CDC42BPA: variants seen among roughly 807,000 people sequenced by gnomAD.
CDC42BPA encodes CDC42 binding protein kinase alpha.
Under a neutral mutation model 223.5 loss-of-function variants are expected in CDC42BPA, and 80 were observed. The observed-to-expected ratio is 0.36, with a 90% CI of 0.30 to 0.43. The LOEUF (loss-of-function observed/expected upper bound fraction) is 0.43. Among genes scored for constraint, CDC42BPA ranks in the 20% least tolerant of loss-of-function variants. The probability of loss-of-function intolerance (pLI) is 1.00; values close to 1 mark genes in which losing one functional copy is unlikely to be tolerated. For missense variants in CDC42BPA, 1,743 were observed against 2,099.9 expected, an observed-to-expected ratio of 0.83 and a Z score of 3.32; for synonymous variants, 694 against 718.6, an observed-to-expected ratio of 0.97 and a Z score of 0.55.
chr1:226,995,335 C>G (rs1661404967), intron 35 of CDC42BPA, among the ~76,000 whole-genome samples: 1 of 152,228 alleles, frequency 6.6e-6, no homozygotes, highest in African/African-American at 2.4e-5. Context: ...TCCCAGCCAT[C>G]TTTCACACAT....
chr1:227,033,251 G>A, intron 27 of CDC42BPA, 83 bp downstream of exon 27: 1 of 806,830 alleles, frequency 1.2e-6, no homozygotes. Context: ...TACTTATAGT[G>A]AATTTATGAT....
At chr1:227,213,064 C>A (rs1005003583) in intron 3 of CDC42BPA, 72 bp downstream of exon 3, 46 of 771,756 alleles carry the variant, frequency 6.0e-5, no homozygotes, top group Non-Finnish European at 9.3e-5. Context: ...ATTTAATGAG[C>A]TCTATGGAAT....
At chr1:227,217,560 T>C (rs761118292) in intron 2 of CDC42BPA, among the ~76,000 whole-genome samples, 33 of 152,190 alleles carry the variant, frequency 2.2e-4, no homozygotes, top group African/African-American at 8.0e-4. Context: ...GAAGCCACAG[T>C]TGATCCTCTT....
At chr1:227,240,833 G>A (rs1251470884) in intron 2 of CDC42BPA, among the ~76,000 whole-genome samples, 6 of 151,372 alleles carry the variant, frequency 4.0e-5, no homozygotes, top group Non-Finnish European at 8.8e-5. Context: ...GTATAAACAA[G>A]GATTTCTTAG....
At chr1:227,173,406 G>A (rs1666427943) in intron 5 of CDC42BPA, among the ~76,000 whole-genome samples, 1 of 152,168 alleles carries the variant, frequency 6.6e-6, no homozygotes, top group African/African-American at 2.4e-5. Flanking sequence ...ACTGATAGGA[G>A]TGTCTTTGAC....
chr1:227,253,607 A>AATAAATAAATAAATACATAC (rs368046447), intron 2 of CDC42BPA, among the ~76,000 whole-genome samples: 8 of 116,544 alleles, frequency 6.9e-5, no homozygotes, highest in East Asian at 6.0e-4. Context: ...AAAATAAATA[A>AATAAATAAATAAATACATAC]ATACATACAT....
At chr1:227,152,438 A>G (rs1047371062) in intron 6 of CDC42BPA, among the ~76,000 whole-genome samples, 1 of 152,148 alleles carries the variant, frequency 6.6e-6, no homozygotes, top group African/African-American at 2.4e-5. Context: ...AGTGTGAAGT[A>G]ATCTAAGTTT....
At chr1:227,249,180 GAA>G (rs1029402702) in intron 2 of CDC42BPA, among the ~76,000 whole-genome samples, 2 of 152,082 alleles carry the variant, frequency 1.3e-5, no homozygotes, top group Admixed American at 6.5e-5. Flanking sequence ...GAATGTTAGG[GAA>G]AAGACAGTCT....
intron 35 of CDC42BPA, chr1:227,004,041 A>C (rs947043170): frequency 2.1e-4 from 30 of 139,880 alleles, no homozygotes; most frequent in African/African-American, 7.7e-4. Flanking sequence ...CTTTCAGTGA[A>C]TCAAACAGAT....
intron 1 of CDC42BPA, among the ~76,000 whole-genome samples, chr1:227,311,309 T>C (rs1430325003): frequency 6.6e-6 from 1 of 152,164 alleles, no homozygotes; most frequent in Non-Finnish European, 1.5e-5. Flanking sequence ...TAGTGAGCCA[T>C]GATGGTCTCT....
intron 2 of CDC42BPA, among the ~76,000 whole-genome samples, chr1:227,240,923 T>A (rs1679907102): frequency 6.6e-6 from 1 of 152,052 alleles, no homozygotes; most frequent in South Asian, 2.1e-4. Flanking sequence ...CTCTAAACGA[T>A]AATTTTTTTA....
chr1:227,291,439 C>A (rs1029538227), intron 1 of CDC42BPA, among the ~76,000 whole-genome samples: 3 of 152,104 alleles, frequency 2.0e-5, no homozygotes, highest in African/African-American at 7.2e-5. Flanking sequence ...ATCCCAGCTA[C>A]TCAGGAGGCT....
intron 2 of CDC42BPA, among the ~76,000 whole-genome samples, chr1:227,248,996 G>A (rs1681489576): frequency 6.6e-6 from 1 of 152,002 alleles, no homozygotes; most frequent in African/African-American, 2.4e-5. Context: ...CAAGCAAAAA[G>A]AACAAAACTG....
chr1:226,997,085 C>A (rs1661770073), intron 35 of CDC42BPA, among the ~76,000 whole-genome samples: 1 of 152,174 alleles, frequency 6.6e-6, no homozygotes, highest in African/African-American at 2.4e-5. Flanking sequence ...TCTGCCTGGT[C>A]CTGCCTTTTT....
chr1:227,207,367 CTTTTTT>C (rs1275751280), intron 3 of CDC42BPA, among the ~76,000 whole-genome samples: 1 of 93,816 alleles, frequency 1.1e-5, no homozygotes, highest in Non-Finnish European at 2.3e-5. Flanking sequence ...TTTTCTTTTT[CTTTTTT>C]TTTTATTATA....
At chr1:227,174,721 C>T (rs1354290976) in intron 5 of CDC42BPA, among the ~76,000 whole-genome samples, 1 of 152,096 alleles carries the variant, frequency 6.6e-6, no homozygotes, top group African/African-American at 2.4e-5. Context: ...AATAAGTTAA[C>T]TGGTTTTTCA....
chr1:227,052,668 A>AT (rs1352441282), intron 21 of CDC42BPA, among the ~76,000 whole-genome samples: 4 of 152,218 alleles, frequency 2.6e-5, no homozygotes, highest in African/African-American at 9.6e-5. Context: ...TGAAAGGACA[A>AT]TGAAGGTAAT....
chr1:227,007,286 TCA>T (rs936119213), intron 34 of CDC42BPA, among the ~76,000 whole-genome samples: 9 of 152,184 alleles, frequency 5.9e-5, no homozygotes, highest in African/African-American at 2.2e-4. Context: ...CATCAGAAAA[TCA>T]CACAGATAGT....
chr1:227,151,326 A>G (rs1404738449), intron 6 of CDC42BPA, among the ~76,000 whole-genome samples: 2 of 152,228 alleles, frequency 1.3e-5, no homozygotes, highest in Non-Finnish European at 2.9e-5. Context: ...AGCACGTGTC[A>G]GAATTTCCTT....
Sources: gnomAD v4.1 joint callset for allele counts (sites outside exome capture counted in the v4.1 genomes callset) on GRCh38, gnomAD v4.1.1 for gene constraint, MANE v1.5 for transcripts, NCBI Gene and HGNC (gene_info 2026-07-23, HGNC 2026-07-21) for gene names.